Variants in STK32A observed in about 807,000 individuals in gnomAD.
The protein encoded by STK32A is serine/threonine kinase 32A.
Under a neutral mutation model 53.2 loss-of-function variants are expected in STK32A, and 41 were observed. The observed-to-expected ratio is 0.77, with a 90% CI of 0.60 to 1.00. The LOEUF (loss-of-function observed/expected upper bound fraction) is 1.00. Ranked by LOEUF, STK32A falls within the 50% of genes least tolerant of loss-of-function variation. The pLI, the probability that STK32A is intolerant of heterozygous loss-of-function variation, is 0.00. For missense variants in STK32A, 458 were observed against 485.8 expected (o/e 0.94, Z 0.54); for synonymous variants, 166 against 162.8 (o/e 1.02, Z -0.15).
At position 147,361,536 on chromosome 5, in the gene STK32A, C is replaced by T; in HGVS notation, c.582C>T (p.Ser194=). The T allele has an allele frequency of 6.2e-7, 1 of 1,612,946 alleles. No individual in the cohort carries two copies. Among genetic ancestry groups the T allele is most frequent in the Non-Finnish European group, 8.5e-7 (1 of 1,179,532 alleles). The change falls in exon 8 of 13, where the codon TCC becomes TCT. Residue 194 remains serine, a synonymous_variant. Transcript: ENST00000397936. ...TTTCAGCACCTGAGATGTTCAGCTC[C>T]AGAAAAGGAGCAGGCTATTCCTTTG... ...KPYMAPEMFS[S]RKGAGYSFAV...
chr5:147,340,498 A>T (rs1755352968), intron 5 of STK32A, among the ~76,000 whole-genome samples: 1 of 152,196 alleles, frequency 6.6e-6, no homozygotes, highest in Non-Finnish European at 1.5e-5. Context: ...AGAACTAGAA[A>T]ATCTCAACTT....
intron 2 of STK32A, among the ~76,000 whole-genome samples, chr5:147,254,968 T>C (rs1467263848): frequency 5.9e-5 from 9 of 151,966 alleles, no homozygotes; most frequent in Non-Finnish European, 1.2e-4. Flanking sequence ...TGAAACCCCG[T>C]CTCTACTAAA....
intron 4 of STK32A, among the ~76,000 whole-genome samples, chr5:147,308,727 GT>G (rs35290735): frequency 0.33 from 47,999 of 144,180 alleles, 7,922 homozygotes; most frequent in East Asian, 0.36. Flanking sequence ...GTCACTAGAA[GT>G]TTTTTTTTTT....
chr5:147,286,623 T>C (rs1752354326), intron 4 of STK32A, among the ~76,000 whole-genome samples: 1 of 152,166 alleles, frequency 6.6e-6, no homozygotes, highest in South Asian at 2.1e-4. Flanking sequence ...TCTTCATCCC[T>C]ACTGTTACAT....
intron 4 of STK32A, among the ~76,000 whole-genome samples, chr5:147,286,063 A>G (rs551029528): frequency 2.6e-5 from 4 of 152,296 alleles, no homozygotes; most frequent in African/African-American, 9.6e-5. Context: ...AAACTGTGGT[A>G]TATGTATACA....
At chr5:147,319,182 G>A (rs1259763907) in intron 4 of STK32A, among the ~76,000 whole-genome samples, 1 of 135,904 alleles carries the variant, frequency 7.4e-6, no homozygotes, top group Admixed American at 8.2e-5. Context: ...TCGCTGTGTC[G>A]CCCAGGCTGG....
chr5:147,397,099 T>A, the STK32A span, among the ~76,000 whole-genome samples: 1 of 148,374 alleles, frequency 6.7e-6, no homozygotes, highest in East Asian at 1.9e-4. Flanking sequence ...ATATTGTAAA[T>A]ATATATTTAA....
intron 2 of STK32A, among the ~76,000 whole-genome samples, chr5:147,269,872 T>C (rs4385261): frequency 6.6e-6 from 1 of 151,448 alleles, no homozygotes; most frequent in African/African-American, 2.4e-5. Context: ...CAATAATCAC[T>C]ATGGCGTGAC....
intron 1 of STK32A, among the ~76,000 whole-genome samples, chr5:147,238,400 T>C (rs1239736136): frequency 1.3e-5 from 2 of 152,204 alleles, no homozygotes; most frequent in Non-Finnish European, 2.9e-5. Context: ...ACACTGTCAT[T>C]TCCCCCATTC....
At chr5:147,355,772 A>G (rs1353009449) in intron 7 of STK32A, among the ~76,000 whole-genome samples, 7 of 130,374 alleles carry the variant, frequency 5.4e-5, no homozygotes, top group African/African-American at 2.0e-4. Flanking sequence ...ATGTATATGT[A>G]TGTGTGTGAG....
At chr5:147,321,007 G>A (rs780720999) in intron 4 of STK32A, among the ~76,000 whole-genome samples, 6 of 152,300 alleles carry the variant, frequency 3.9e-5, no homozygotes, top group East Asian at 1.9e-4. Context: ...CCAAGATTAC[G>A]CAGACAGAGC....
chr5:147,325,476 GA>G (rs1164235022), intron 5 of STK32A, among the ~76,000 whole-genome samples: 1 of 152,160 alleles, frequency 6.6e-6, no homozygotes, highest in East Asian at 1.9e-4. Context: ...GATGAGTACA[GA>G]GCCTATAGAT....
downstream of STK32A, chr5:147,392,471 C>T (rs1164920348): frequency 1.3e-5 from 2 of 152,234 alleles, no homozygotes; most frequent in East Asian, 3.8e-4. Flanking sequence ...CTCTTCAAAG[C>T]ACTTAGTACA....
At chr5:147,388,175 T>C (rs1757721001), downstream of STK32A, among the ~76,000 whole-genome samples, 1 of 152,188 alleles carries the variant, frequency 6.6e-6, no homozygotes, top group Non-Finnish European at 1.5e-5. Context: ...CCTATGCACC[T>C]CTTTCTTTAG....
chr5:147,367,136 G>A lies in STK32A; in HGVS notation c.661-3518G>A, dbSNP rs370440355. Among the ~76,000 whole-genome samples the A allele has an allele frequency of 2.4e-3, 367 of 151,880 alleles. 3 individuals are homozygous for A. Among genetic ancestry groups the A allele is most frequent in the African/African-American group, 8.6e-3 (355 of 41,410 alleles). On this transcript the variant is annotated intron_variant, in intron 8 of 12. Transcript: ENST00000397936. ...GCTGGAGTGCAATGGCCCAATCTCGGCTCACTGCAACCACCCCCTCCTCTG... is the reference window on the plus strand; with the variant it reads ...GCTGGAGTGCAATGGCCCAATCTCGACTCACTGCAACCACCCCCTCCTCTG...
At chr5:147,382,768 G>A (rs893782385) in intron 11 of STK32A, 5 of 151,990 alleles carry the variant, frequency 3.3e-5, no homozygotes, top group Admixed American at 1.3e-4. Flanking sequence ...GAATGTCCCA[G>A]CCTTTCACGT....
At chr5:147,243,991 T>C (rs1327479069) in intron 2 of STK32A, among the ~76,000 whole-genome samples, 1 of 152,142 alleles carries the variant, frequency 6.6e-6, no homozygotes, top group Non-Finnish European at 1.5e-5. Context: ...CTTCAGAACA[T>C]TTCTCTTCTC....
intron 4 of STK32A, among the ~76,000 whole-genome samples, chr5:147,303,953 T>G (rs1171581914): frequency 6.6e-6 from 1 of 152,216 alleles, no homozygotes; most frequent in Non-Finnish European, 1.5e-5. Flanking sequence ...GATATTCACA[T>G]ATTCATTTAC....
chr5:147,393,970 G>A, the STK32A span: 1 of 1,497,210 alleles, frequency 6.7e-7, no homozygotes, highest in Non-Finnish European at 9.3e-7. Flanking sequence ...TTAAATATCG[G>A]TGTACCATTT....
Sources: gnomAD v4.1 joint callset for allele counts (sites outside exome capture counted in the v4.1 genomes callset) on GRCh38, gnomAD v4.1.1 for gene constraint, MANE v1.5 for transcripts, NCBI Gene and HGNC (gene_info 2026-07-23, HGNC 2026-07-21) for gene names.